The following SHANK2 variants were observed in gnomAD, a reference collection of about 807,000 sequenced individuals.
SHANK2 encodes SH3 and multiple ankyrin repeat domains 2.
Under a neutral mutation model 133.7 loss-of-function variants are expected in SHANK2, and 43 were observed. The observed-to-expected ratio is 0.32, with a 90% CI of 0.25 to 0.41. The LOEUF (loss-of-function observed/expected upper bound fraction) is 0.41, where lower values mean the gene tolerates loss of function less well. Among genes scored for constraint, SHANK2 ranks in the 10% least tolerant of loss-of-function variants. The pLI is 1.00. For missense variants in SHANK2, 1,994 were observed against 2,235.8 expected (o/e 0.89, Z 2.18); for synonymous variants, 1,017 against 952.8 (o/e 1.07, Z -1.24).
chr11:70,825,049 G>A (rs1948617202), intron 11 of SHANK2, among the ~76,000 whole-genome samples: 1 of 152,028 alleles, frequency 6.6e-6, no homozygotes, highest in African/African-American at 2.4e-5. Flanking sequence ...CCCCAGTCAC[G>A]GAAACGCTGC....
intron 2 of SHANK2, among the ~76,000 whole-genome samples, chr11:71,217,457 T>C (rs1954436957): frequency 6.6e-6 from 1 of 151,538 alleles, no homozygotes; most frequent in Non-Finnish European, 1.5e-5. Flanking sequence ...TGAGCCGAGA[T>C]CATGCCACTG....
intron 17 of SHANK2, among the ~76,000 whole-genome samples, chr11:70,594,573 G>A (rs548759049): frequency 6.6e-6 from 1 of 152,174 alleles, no homozygotes; most frequent in Admixed American, 6.5e-5. Context: ...TAGAGGAGAA[G>A]TAGCTTGGTG....
chr11:71,124,542 T>C (rs1308726140), intron 3 of SHANK2, among the ~76,000 whole-genome samples: 1 of 152,060 alleles, frequency 6.6e-6, no homozygotes, highest in African/African-American at 2.4e-5. Flanking sequence ...AATATTATTA[T>C]TACTGTTTAT....
intron 17 of SHANK2, among the ~76,000 whole-genome samples, chr11:70,618,675 G>T (rs2060789461): frequency 6.6e-6 from 1 of 152,260 alleles, no homozygotes; most frequent in African/African-American, 2.4e-5. Flanking sequence ...GACTGGGAGA[G>T]CAAGGCGCAG....
At position 70,811,463 on chromosome 11, in the gene SHANK2, ACTCAT is replaced by A. The variant is rs548097234; in HGVS notation, c.1494-4297_1494-4293del. 2.8e-3 allele frequency among the ~76,000 whole-genome samples: 432 copies of A among 151,802 alleles called. 3 individuals are homozygous for A. Among genetic ancestry groups the A allele is most frequent in the African/African-American group, 0.01 (422 of 41,396 alleles). The stretch of plus-strand genomic sequence containing the variant: ...TAACTTCATCAGAATTAATCCATCC[ACTCAT>A]CTCTTCTTTGTTATCCATCCAGGCC... On this transcript the variant is annotated intron_variant, in intron 12 of 25. Coordinates refer to ENST00000601538, the MANE Select transcript of SHANK2 (RefSeq NM_012309.5).
intron 2 of SHANK2, among the ~76,000 whole-genome samples, chr11:71,167,748 C>A (rs1300119396): frequency 2.3e-5 from 3 of 130,842 alleles, no homozygotes; most frequent in Non-Finnish European, 3.3e-5. Flanking sequence ...GGCGGCCGGG[C>A]AGAGGCGTCC....
chr11:71,219,301 G>A (rs1406276705), intron 2 of SHANK2, among the ~76,000 whole-genome samples: 4 of 152,170 alleles, frequency 2.6e-5, no homozygotes, highest in African/African-American at 7.2e-5. Context: ...AGATGAGCAC[G>A]GCTGGGTGCC....
At chr11:70,513,828 A>C (rs949336222) in intron 17 of SHANK2, among the ~76,000 whole-genome samples, 6 of 152,188 alleles carry the variant, frequency 3.9e-5, no homozygotes, top group Non-Finnish European at 8.8e-5. Context: ...AAGAAGAGAG[A>C]AAAAAAGATT....
chr11:70,715,016 G>A (rs1254628661), intron 14 of SHANK2, among the ~76,000 whole-genome samples: 1 of 151,512 alleles, frequency 6.6e-6, no homozygotes, highest in African/African-American at 2.4e-5. Flanking sequence ...TGTTGCCCAG[G>A]CTGGTCTTGA....
intron 15 of SHANK2, 32 bp downstream of exon 15, chr11:70,698,656 A>AG (rs1555022870): frequency 1.4e-6 from 1 of 718,422 alleles, no homozygotes; most frequent in African/African-American, 1.7e-5. Context: ...CTTTGACCAG[A>AG]GGGTCCTGGA....
At chr11:70,657,483 C>G (rs1252159581) in intron 17 of SHANK2, among the ~76,000 whole-genome samples, 1 of 152,022 alleles carries the variant, frequency 6.6e-6, no homozygotes, top group Non-Finnish European at 1.5e-5. Context: ...CAGTCTTAAG[C>G]CCCTAGAGGA....
chr11:70,857,578 C>T (rs572411275), intron 11 of SHANK2, among the ~76,000 whole-genome samples: 1 of 152,238 alleles, frequency 6.6e-6, no homozygotes, highest in East Asian at 2.0e-4. Context: ...GGGCCAAGCC[C>T]TTGGGCAGTG....
intron 11 of SHANK2, among the ~76,000 whole-genome samples, chr11:70,835,025 G>A (rs1238502678): frequency 1.3e-5 from 2 of 152,146 alleles, no homozygotes; most frequent in Non-Finnish European, 2.9e-5. Flanking sequence ...GGAGGGTGAA[G>A]GTGGGTCTGA....
At chr11:71,187,024 C>T (rs1250405569) in intron 2 of SHANK2, among the ~76,000 whole-genome samples, 1 of 152,216 alleles carries the variant, frequency 6.6e-6, no homozygotes, top group Non-Finnish European at 1.5e-5. Context: ...CAGAAACTTA[C>T]AGAGAAACTA....
chr11:71,092,639 T>G (rs1186853263), intron 7 of SHANK2, 50 bp from the exon 8 acceptor site: 1 of 1,532,604 alleles, frequency 6.5e-7, no homozygotes, highest in Non-Finnish European at 8.8e-7. Context: ...TGACCCCTTT[T>G]GCAGAGTGAG....
At chr11:70,948,391 A>G (rs554164981) in intron 10 of SHANK2, 10 of 457,108 alleles carry the variant, frequency 2.2e-5, no homozygotes, top group African/African-American at 6.0e-5. Context: ...GAGAAACTCC[A>G]TATGTACTGG....
intron 15 of SHANK2, among the ~76,000 whole-genome samples, chr11:70,678,465 T>C (rs1277387294): frequency 2.0e-5 from 3 of 151,462 alleles, no homozygotes; most frequent in Admixed American, 6.6e-5. Flanking sequence ...GCTGGAGTTA[T>C]CTGTCCTGCC....
intron 14 of SHANK2, among the ~76,000 whole-genome samples, chr11:70,743,073 G>T (rs1420488670): frequency 3.3e-5 from 5 of 152,136 alleles, no homozygotes; most frequent in African/African-American, 1.2e-4. Flanking sequence ...GATGGGAGGT[G>T]CCTGAGGACC....
rs894106 is a variant in SHANK2 at position 71,246,529 on chromosome 11, G to A, written c.-113+5896C>T. Among the ~76,000 whole-genome samples, 851 of 152,288 alleles carry A rather than the reference G, an allele frequency of 5.6e-3. 5 individuals are homozygous for A. Among genetic ancestry groups the A allele is most frequent in the African/African-American group, 0.02 (823 of 41,556 alleles). On this transcript the variant is annotated intron_variant, in intron 1 of 25. Coordinates refer to ENST00000601538, the MANE Select transcript of SHANK2 (RefSeq NM_012309.5). ...ATCACCTGCAGGACCTTGAGTACAG[G>A]TGTAATCTTGTGAACTAAGATCTCC...
Sources: allele counts gnomAD v4.1 joint callset (sites outside exome capture counted in the v4.1 genomes callset), GRCh38; gene constraint gnomAD v4.1.1; transcripts MANE v1.5; gene names NCBI Gene and HGNC (gene_info 2026-07-23, HGNC 2026-07-21).